PTBP2: variants seen among roughly 807,000 people sequenced by gnomAD.
PTBP2 encodes the protein polypyrimidine tract binding protein 2.
Under a neutral mutation model 61.4 loss-of-function variants are expected in PTBP2, and 13 were observed. The ratio of observed to expected loss-of-function variants is 0.21; its 90% CI spans 0.14 to 0.34. PTBP2 has a LOEUF of 0.34. Among genes scored for constraint, PTBP2 ranks in the 10% least tolerant of loss-of-function variants. The pLI, the probability that PTBP2 is intolerant of heterozygous loss-of-function variation, is 1.00. For missense variants in PTBP2, 405 were observed against 642.6 expected (o/e 0.63, Z 4.00); for synonymous variants, 215 against 218.5 (o/e 0.98, Z 0.14).
chr1:96,787,177 C>T (rs569836779), intron 8 of PTBP2, among the ~76,000 whole-genome samples: 1 of 151,952 alleles, frequency 6.6e-6, no homozygotes, highest in Non-Finnish European at 1.5e-5. Flanking sequence ...TGTACCACCA[C>T]CCCTGGCTAA....
At chr1:96,733,992 C>T (rs1651797985) in intron 2 of PTBP2, among the ~76,000 whole-genome samples, 1 of 152,160 alleles carries the variant, frequency 6.6e-6, no homozygotes, top group African/African-American at 2.4e-5. Flanking sequence ...TGTTCCTAAA[C>T]TGTAGTAGCT....
intron 8 of PTBP2, among the ~76,000 whole-genome samples, chr1:96,791,740 G>T (rs1338685766): frequency 6.6e-6 from 1 of 151,288 alleles, no homozygotes; most frequent in Non-Finnish European, 1.5e-5. Flanking sequence ...AGATGCCTTT[G>T]CAATAGTTGC....
intron 8 of PTBP2, among the ~76,000 whole-genome samples, chr1:96,795,974 T>C (rs1177422618): frequency 6.6e-6 from 1 of 152,236 alleles, no homozygotes; most frequent in Non-Finnish European, 1.5e-5. Flanking sequence ...GCCTGGTATA[T>C]AATAAATGCT....
intron 5 of PTBP2, among the ~76,000 whole-genome samples, chr1:96,773,092 C>G (rs1349358382): frequency 6.9e-6 from 1 of 144,852 alleles, no homozygotes; most frequent in East Asian, 2.0e-4. Context: ...TCACTGCACT[C>G]CAGCCTGGGT....
chr1:96,733,347 T>G (rs907949547), intron 2 of PTBP2, among the ~76,000 whole-genome samples: 1 of 152,166 alleles, frequency 6.6e-6, no homozygotes, highest in Admixed American at 6.5e-5. Flanking sequence ...AATTACAAAT[T>G]AATGAAGTGG....
chr1:96,816,727 TTAC>T (rs750026353), downstream of PTBP2: 1 of 152,144 alleles, frequency 6.6e-6, no homozygotes, highest in African/African-American at 2.4e-5. Flanking sequence ...CACCATATAA[TTAC>T]TAGGGAAAGG....
At chr1:96,737,228 A>T (rs571983892) in intron 2 of PTBP2, among the ~76,000 whole-genome samples, 10 of 152,166 alleles carry the variant, frequency 6.6e-5, no homozygotes, top group Admixed American at 3.3e-4. Flanking sequence ...GGCCTCCCAA[A>T]GTGCTGGGAT....
chr1:96,768,594 T>A (rs1481408585), intron 3 of PTBP2, among the ~76,000 whole-genome samples: 1 of 152,046 alleles, frequency 6.6e-6, no homozygotes, highest in Non-Finnish European at 1.5e-5. Flanking sequence ...ATACTGCAAG[T>A]CCTTCAAACA....
rs1656878627 is a variant in PTBP2, at chr1:96,767,598, G to A, written c.116-2105G>A. 1.3e-5 allele frequency among the ~76,000 whole-genome samples: 2 copies of A among 152,146 alleles called. 1 individual carries two copies. Among genetic ancestry groups the A allele is most frequent in the South Asian group, 4.1e-4 (2 of 4,832 alleles). On this transcript the variant is annotated intron_variant, in intron 3 of 13. Coordinates refer to ENST00000674951, the MANE Select transcript of PTBP2 (RefSeq NM_021190.4). ...TTTGTCAAAAAAAGGTCTTAGTCCT[G>A]TATCAGAATAATATGTGTTCCTTGT...
At chr1:96,731,805 C>A (rs181775481) in intron 2 of PTBP2, among the ~76,000 whole-genome samples, 9 of 152,048 alleles carry the variant, frequency 5.9e-5, no homozygotes, top group Admixed American at 2.0e-4. Context: ...TTTAAAATGG[C>A]TTTTTATATT....
intron 1 of PTBP2, among the ~76,000 whole-genome samples, chr1:96,723,047 T>G (rs2100764424): frequency 6.6e-6 from 1 of 152,300 alleles, no homozygotes; most frequent in South Asian, 2.1e-4. Context: ...TAAAAGGTAC[T>G]AAAAACAAGA....
chr1:96,816,914 A>G (rs976536405), downstream of PTBP2: 1 of 152,154 alleles, frequency 6.6e-6, no homozygotes, highest in African/African-American at 2.4e-5. Context: ...AGTAAACTTC[A>G]TTATCCACAA....
At chr1:96,786,339 T>C (rs1434159719) in intron 8 of PTBP2, among the ~76,000 whole-genome samples, 7 of 152,144 alleles carry the variant, frequency 4.6e-5, no homozygotes, top group Non-Finnish European at 1.0e-4. Flanking sequence ...TCTGACCCTT[T>C]ATTCGAATTT....
At chr1:96,781,464 T>G (rs1658659706) in intron 7 of PTBP2, among the ~76,000 whole-genome samples, 1 of 152,030 alleles carries the variant, frequency 6.6e-6, no homozygotes, top group Admixed American at 6.6e-5. Flanking sequence ...TATATTGGAC[T>G]TCTTTAAATA....
chr1:96,812,997 C>G lies in PTBP2; in HGVS notation c.1389-32C>G, dbSNP rs368934591. On this transcript the variant is annotated intron_variant, in intron 12 of 13. Transcript: ENST00000674951. Reference sequence around the variant, plus strand: ...ATAAAATATGAAATTTATTCTTAATCTTCACTTTTTCTTCCCATTCAATTT... The same window carrying G: ...ATAAAATATGAAATTTATTCTTAATGTTCACTTTTTCTTCCCATTCAATTT... 3 of 1,596,778 alleles carry G rather than the reference C, an allele frequency of 1.9e-6. No homozygotes were observed. The African/African-American group carries it at 4.0e-5, about 21-fold the overall frequency.
rs373815292 is a variant in PTBP2, at chr1:96,799,294, C to CTTTTTTTTTTTT, written c.905-5498_905-5487dup. 1.8e-3 allele frequency among the ~76,000 whole-genome samples: 165 copies of CTTTTTTTTTTTT among 92,154 alleles called. 17 individuals are homozygous for CTTTTTTTTTTTT. Among genetic ancestry groups the CTTTTTTTTTTTT allele is most frequent in the African/African-American group, 3.2e-3 (67 of 20,650 alleles). The allele number at this position is 92,154 out of a possible 152,430, so 60.5% of individuals were successfully genotyped here. On this transcript the variant is annotated intron_variant, in intron 8 of 13. Coordinates refer to ENST00000674951, the MANE Select transcript of PTBP2 (RefSeq NM_021190.4). ...ATAGCAATCCTCAGAATAGATCAAG[C>CTTTTTTTTTTTT]TTTTTTTTTTTTTTTTTTTGAGATG...
At chr1:96,742,278 T>C (rs1266676805) in intron 2 of PTBP2, among the ~76,000 whole-genome samples, 1 of 152,192 alleles carries the variant, frequency 6.6e-6, no homozygotes, top group Admixed American at 6.5e-5. Flanking sequence ...GCAGAAAATA[T>C]ATTAAAAGGA....
Position 96,771,940 on chromosome 1 carries a change from A to C in PTBP2, c.432+1089A>C, listed in dbSNP as rs1657427465. Among the ~76,000 whole-genome samples, 4 of 152,162 alleles carry C rather than the reference A, an allele frequency of 2.6e-5. No individual in the cohort carries two copies. In the South Asian group the frequency reaches 8.3e-4, roughly 32 times the overall value. Reference sequence around the variant, plus strand: ...TGGAAAAACTGTTTTTCCTCTGCTCACACCACAACAATCAACACAGAAGGC... The same window carrying C: ...TGGAAAAACTGTTTTTCCTCTGCTCCCACCACAACAATCAACACAGAAGGC... On this transcript the variant is annotated intron_variant, in intron 5 of 13. Transcript: ENST00000674951.
At chr1:96,771,342 AAT>A (rs1657358633) in intron 5 of PTBP2, 1 of 152,494 alleles carries the variant, frequency 6.6e-6, no homozygotes, top group Non-Finnish European at 1.5e-5. Flanking sequence ...TGTATTCAAA[AAT>A]AGCATTAGAA....
Sources: gnomAD v4.1 joint callset for allele counts (sites outside exome capture counted in the v4.1 genomes callset) on GRCh38, gnomAD v4.1.1 for gene constraint, MANE v1.5 for transcripts, NCBI Gene and HGNC (gene_info 2026-07-23, HGNC 2026-07-21) for gene names.